The following B3GLCT variants were observed in gnomAD, a reference collection of about 807,000 sequenced individuals.
The protein encoded by B3GLCT is beta-1,3-glucosyltransferase.
In B3GLCT, 65 loss-of-function variants were observed where a neutral mutation model predicts 63.4. The observed-to-expected ratio is 1.03, with a 90% CI of 0.84 to 1.26. The LOEUF (loss-of-function observed/expected upper bound fraction) is 1.26, where lower values mean the gene tolerates loss of function less well. Ranked by LOEUF, B3GLCT falls within the 50% of genes most tolerant of loss-of-function variation. B3GLCT has a pLI of 0.00. For missense variants in B3GLCT, 577 were observed against 604.8 expected, an observed-to-expected ratio of 0.95 and a Z score of 0.48; for synonymous variants, 233 against 219.2, an observed-to-expected ratio of 1.06 and a Z score of -0.55.
chr13:31,298,675 T>G (rs964403775), intron 12 of B3GLCT, among the ~76,000 whole-genome samples: 21 of 152,330 alleles, frequency 1.4e-4, no homozygotes, highest in African/African-American at 5.1e-4. Context: ...GACATCAGAA[T>G]CACTACCGTT....
chr13:31,206,829 A>T (rs942562183), intron 1 of B3GLCT, among the ~76,000 whole-genome samples: 19 of 152,166 alleles, frequency 1.2e-4, no homozygotes, highest in Non-Finnish European at 2.5e-4. Context: ...ATTGAGGCCT[A>T]CTCCTCAGTC....
chr13:31,261,421 T>C (rs1872027450), intron 7 of B3GLCT, among the ~76,000 whole-genome samples: 1 of 152,198 alleles, frequency 6.6e-6, no homozygotes, highest in African/African-American at 2.4e-5. Context: ...TAGCTATAGG[T>C]GTAACTTTGA....
At chr13:31,213,055 T>C (rs1489395938) in intron 1 of B3GLCT, among the ~76,000 whole-genome samples, 3 of 151,850 alleles carry the variant, frequency 2.0e-5, no homozygotes, top group Admixed American at 2.0e-4. Context: ...CGCGTGTGTG[T>C]GTATGTGTGT....
chr13:31,246,042 A>G (rs995010759), intron 4 of B3GLCT, among the ~76,000 whole-genome samples: 6 of 152,200 alleles, frequency 3.9e-5, no homozygotes, highest in African/African-American at 7.2e-5. Context: ...ATTAAAGACT[A>G]TTCTCTTCTT....
chr13:31,233,019 T>A (rs1374725418), intron 4 of B3GLCT, among the ~76,000 whole-genome samples: 2 of 152,258 alleles, frequency 1.3e-5, no homozygotes, highest in African/African-American at 4.8e-5. Flanking sequence ...ACATGCTGTA[T>A]TAAATCACAA....
chr13:31,301,772 G>A lies in B3GLCT; in HGVS notation c.1064+14953G>A, dbSNP rs921191144. ...GTCTTTAAAAGTTCTCCAAACTGGG[G>A]GAAATGCAGCAAACTGGTTTGGGCC... On this transcript the variant is annotated intron_variant, in intron 12 of 14. Coordinates refer to ENST00000343307, the MANE Select transcript of B3GLCT (RefSeq NM_194318.4). Among the ~76,000 whole-genome samples, 4 of 152,140 alleles carry A rather than the reference G, an allele frequency of 2.6e-5. No homozygotes were observed. The South Asian group carries it at 8.3e-4, about 32-fold the overall frequency.
intron 1 of B3GLCT, among the ~76,000 whole-genome samples, chr13:31,211,437 C>T (rs1241612214): frequency 1.3e-5 from 2 of 152,150 alleles, no homozygotes; most frequent in East Asian, 3.8e-4. Flanking sequence ...TAAGGATTAT[C>T]TTGTTTTATG....
chr13:31,246,152 G>A (rs1482306975), intron 4 of B3GLCT, among the ~76,000 whole-genome samples: 1 of 152,100 alleles, frequency 6.6e-6, no homozygotes, highest in Non-Finnish European at 1.5e-5. Context: ...TCTTTTGTCT[G>A]TAATGGTTAC....
At chr13:31,228,746 G>A (rs1445630953) in intron 3 of B3GLCT, among the ~76,000 whole-genome samples, 1 of 152,200 alleles carries the variant, frequency 6.6e-6, no homozygotes, top group Non-Finnish European at 1.5e-5. Context: ...TGGGGGTTAG[G>A]ACTTAAAAAA....
intron 4 of B3GLCT, among the ~76,000 whole-genome samples, chr13:31,241,210 G>A (rs1208894803): frequency 6.6e-6 from 1 of 152,230 alleles, no homozygotes; most frequent in Non-Finnish European, 1.5e-5. Flanking sequence ...TCTGGAGGGA[G>A]CTGGGGCTCA....
chr13:31,249,100 T>C (rs186221018), intron 6 of B3GLCT, among the ~76,000 whole-genome samples: 144 of 152,268 alleles, frequency 9.5e-4, no homozygotes, highest in African/African-American at 3.3e-3. Flanking sequence ...TGTAATGAGC[T>C]CATGGGGAAT....
chr13:31,207,867 T>C (rs1346861956), intron 1 of B3GLCT, among the ~76,000 whole-genome samples: 1 of 152,212 alleles, frequency 6.6e-6, no homozygotes, highest in African/African-American at 2.4e-5. Context: ...CAGCAGCAGA[T>C]CTCTTTTCCT....
chr13:31,287,309 C>G (rs573199362), intron 12 of B3GLCT, among the ~76,000 whole-genome samples: 1 of 152,104 alleles, frequency 6.6e-6, no homozygotes, highest in South Asian at 2.1e-4. Context: ...GGAAACTACC[C>G]GATGCTGGGG....
chr13:31,216,504 GATTGCATGTCATA>G (rs1869571348), intron 2 of B3GLCT, among the ~76,000 whole-genome samples: 1 of 152,104 alleles, frequency 6.6e-6, no homozygotes, highest in African/African-American at 2.4e-5. Flanking sequence ...TACATGGGTA[GATTGCATGTCATA>G]GGGGTTTGAT....
At chr13:31,265,261 T>G (rs1425837494) in intron 7 of B3GLCT, among the ~76,000 whole-genome samples, 1 of 152,246 alleles carries the variant, frequency 6.6e-6, no homozygotes, top group Non-Finnish European at 1.5e-5. Context: ...TTATTCTGGC[T>G]GGCCCAGAGT....
intron 2 of B3GLCT, among the ~76,000 whole-genome samples, chr13:31,215,980 C>T (rs898361993): frequency 2.0e-5 from 3 of 152,102 alleles, no homozygotes; most frequent in East Asian, 1.9e-4. Flanking sequence ...TGGTTGTAGT[C>T]AGGGAATGTC....
chr13:31,261,984 GC>G (rs1367451906), intron 7 of B3GLCT, among the ~76,000 whole-genome samples: 2 of 152,192 alleles, frequency 1.3e-5, no homozygotes, highest in Admixed American at 1.3e-4. Context: ...CTACTAGGAA[GC>G]AGCCGTATGT....
At chr13:31,235,220 G>C (rs1411946392) in intron 4 of B3GLCT, among the ~76,000 whole-genome samples, 1 of 152,118 alleles carries the variant, frequency 6.6e-6, no homozygotes, top group Non-Finnish European at 1.5e-5. Flanking sequence ...CAGGTTCTCA[G>C]GTTTAGAGGG....
rs191020491 is a variant in B3GLCT at position 31,292,041 on chromosome 13, T to C, written c.1064+5222T>C. The stretch of plus-strand genomic sequence containing the variant: ...TAGCATGAAGGGGTGTTGAATTTTA[T>C]CGAAGGCCTTTTTGCATCTATTGAG... On this transcript the variant is annotated intron_variant, in intron 12 of 14. Transcript: ENST00000343307. Among the ~76,000 whole-genome samples, 15 of 152,356 alleles carry C rather than the reference T, an allele frequency of 9.8e-5. No homozygotes were observed. In the East Asian group the frequency reaches 2.7e-3, roughly 27 times the overall value.
Sources: allele counts gnomAD v4.1 joint callset (sites outside exome capture counted in the v4.1 genomes callset), GRCh38; gene constraint gnomAD v4.1.1; transcripts MANE v1.5; gene names NCBI Gene and HGNC (gene_info 2026-07-23, HGNC 2026-07-21).